Variants in AKAP6 observed in about 807,000 individuals in gnomAD.
AKAP6 encodes A-kinase anchor protein 6.
A neutral mutation model predicts 188.5 loss-of-function variants in AKAP6; 58 were observed. The observed-to-expected ratio is 0.31, with a 90% confidence interval of 0.25 to 0.38. AKAP6 has a LOEUF of 0.38. AKAP6 is among the 10% of genes least tolerant of loss of function. The pLI, the probability that AKAP6 is intolerant of heterozygous loss-of-function variation, is 1.00. For missense variants in AKAP6, 2,710 were observed against 2,740.0 expected, an observed-to-expected ratio of 0.99 and a Z score of 0.24; for synonymous variants, 989 against 998.6, an observed-to-expected ratio of 0.99 and a Z score of 0.18.
intron 9 of AKAP6, among the ~76,000 whole-genome samples, chr14:32,710,954 A>T (rs951756974): frequency 6.6e-6 from 1 of 152,062 alleles, no homozygotes; most frequent in South Asian, 2.1e-4. Flanking sequence ...GCTTTTACGC[A>T]ATGGTAGAGT....
intron 12 of AKAP6, among the ~76,000 whole-genome samples, chr14:32,777,747 G>A (rs79469069): frequency 0.02 from 3,025 of 152,202 alleles, 96 homozygotes; most frequent in African/African-American, 0.069. Flanking sequence ...ATAATAAAAG[G>A]AAGGTGGAAG....
intron 1 of AKAP6, chr14:32,401,929 T>A (rs1358920293): frequency 1.3e-5 from 2 of 150,920 alleles, no homozygotes. Context: ...TGAACTAGCT[T>A]AGCACCTCCA....
rs575384672 is a variant in AKAP6 at position 32,371,405 on chromosome 14, C to G, written c.-35+41997C>G. ...ACTAGCCTGGGCAACATAGTGAGAC[C>G]TCCATCTCTACAAAACAAAAACAAA... On this transcript the variant is annotated intron_variant, in intron 1 of 13. Coordinates refer to ENST00000280979, the MANE Select transcript of AKAP6 (RefSeq NM_004274.5). 3.9e-5 allele frequency among the ~76,000 whole-genome samples: 6 copies of G among 152,186 alleles called. No homozygotes were observed. The East Asian group carries it at 1.2e-3, about 29-fold the overall frequency.
intron 2 of AKAP6, among the ~76,000 whole-genome samples, chr14:32,478,794 A>G (rs574221885): frequency 4.5e-4 from 68 of 152,284 alleles, no homozygotes; most frequent in Admixed American, 3.0e-3. Context: ...AGATGGAGGA[A>G]GAGAAAATGG....
At chr14:32,801,680 G>A (rs1157984558) in intron 12 of AKAP6, among the ~76,000 whole-genome samples, 1 of 152,094 alleles carries the variant, frequency 6.6e-6, no homozygotes, top group East Asian at 1.9e-4. Flanking sequence ...ATTTTTTGTA[G>A]GGCAGTTCTG....
At position 32,710,751 on chromosome 14, in the gene AKAP6, T is replaced by C. The variant is rs1891021428; in HGVS notation, c.3000+14641T>C. On this transcript the variant is annotated intron_variant, in intron 9 of 13. Transcript: ENST00000280979. Reference sequence around the variant, plus strand: ...AATAACACCTACCTTGAAAGATTGTTGTTAGGATTCTATGAAGTAATGTAT... The same window carrying C: ...AATAACACCTACCTTGAAAGATTGTCGTTAGGATTCTATGAAGTAATGTAT... 2.0e-5 allele frequency among the ~76,000 whole-genome samples: 3 copies of C among 152,188 alleles called. No individual in the cohort carries two copies. The South Asian group carries it at 6.2e-4, about 32-fold the overall frequency.
At chr14:32,778,874 G>T (rs185063842) in intron 12 of AKAP6, among the ~76,000 whole-genome samples, 1 of 150,508 alleles carries the variant, frequency 6.6e-6, no homozygotes, top group African/African-American at 2.4e-5. Context: ...ATAACAAAAA[G>T]CTATAATGAG....
chr14:32,362,958 A>G (rs954631242), intron 1 of AKAP6, among the ~76,000 whole-genome samples: 1 of 152,138 alleles, frequency 6.6e-6, no homozygotes, highest in Non-Finnish European at 1.5e-5. Context: ...GGTATATGTC[A>G]AGACTTTGAT....
At chr14:32,428,342 A>G (rs375233792) in intron 1 of AKAP6, among the ~76,000 whole-genome samples, 1 of 152,098 alleles carries the variant, frequency 6.6e-6, no homozygotes, top group African/African-American at 2.4e-5. Context: ...GAGCTTATAC[A>G]TTAGCTTCCA....
chr14:32,703,325 G>A (rs185711888), intron 9 of AKAP6, among the ~76,000 whole-genome samples: 72 of 152,208 alleles, frequency 4.7e-4, no homozygotes, highest in Admixed American at 2.0e-3. Context: ...GCTGGAGCAC[G>A]TAAAACGCTT....
At chr14:32,469,144 T>C (rs1419865928) in intron 2 of AKAP6, among the ~76,000 whole-genome samples, 1 of 152,196 alleles carries the variant, frequency 6.6e-6, no homozygotes, top group East Asian at 1.9e-4. Context: ...GTCCTGCCAC[T>C]AGACTTTGTG....
At chr14:32,471,083 G>C (rs887750356) in intron 2 of AKAP6, among the ~76,000 whole-genome samples, 5 of 152,246 alleles carry the variant, frequency 3.3e-5, no homozygotes, top group African/African-American at 1.2e-4. Context: ...TGATAAACTA[G>C]GTTCTTTCAT....
At chr14:32,656,272 A>G (rs1370725133) in intron 7 of AKAP6, among the ~76,000 whole-genome samples, 1 of 152,116 alleles carries the variant, frequency 6.6e-6, no homozygotes, top group East Asian at 1.9e-4. Context: ...GTTAATTATC[A>G]AAGGTGACTC....
At chr14:32,762,315 G>A (rs2032566408) in intron 11 of AKAP6, among the ~76,000 whole-genome samples, 1 of 152,042 alleles carries the variant, frequency 6.6e-6, no homozygotes, top group Non-Finnish European at 1.5e-5. Context: ...TTTCTTTAGA[G>A]TAACTTAATC....
intron 1 of AKAP6, among the ~76,000 whole-genome samples, chr14:32,330,302 A>G (rs1886491704): frequency 1.3e-5 from 2 of 152,020 alleles, no homozygotes; most frequent in African/African-American, 4.8e-5. Flanking sequence ...CATAACCTCA[A>G]CTCAATTCCA....
At chr14:32,372,070 G>T (rs1186482692) in intron 1 of AKAP6, among the ~76,000 whole-genome samples, 1 of 151,630 alleles carries the variant, frequency 6.6e-6, no homozygotes, top group Non-Finnish European at 1.5e-5. Flanking sequence ...TGGGGATATA[G>T]AATGCTCCTA....
intron 2 of AKAP6, among the ~76,000 whole-genome samples, chr14:32,463,489 C>T (rs1217611653): frequency 6.6e-6 from 1 of 152,140 alleles, no homozygotes; most frequent in South Asian, 2.1e-4. Context: ...ACAACCTGCT[C>T]CTGAATGTTT....
Position 32,599,489 on chromosome 14 carries a change from T to C in AKAP6, c.2549T>C (p.Ile850Thr), listed in dbSNP as rs1231181162. Reference sequence around the variant, plus strand: ...GAAGGACACCAACTTCTTGAGCTTATTGCATCTCACAAAGCAGGTAAATCC... The same window carrying C: ...GAAGGACACCAACTTCTTGAGCTTACTGCATCTCACAAAGCAGGTAAATCC... ...EEEGHQLLEL[I>T]ASHKAGLKDM... The change falls in exon 6 of 14, where the codon ATT becomes ACT. Residue 850 changes from isoleucine to threonine, a missense_variant. Transcript: ENST00000280979. The C allele has an allele frequency of 1.2e-6, 2 of 1,613,294 alleles. No homozygotes were observed. Among genetic ancestry groups the C allele is most frequent in the Non-Finnish European group, 8.5e-7 (1 of 1,179,474 alleles).
At chr14:32,553,393 C>T (rs766526510) in intron 4 of AKAP6, among the ~76,000 whole-genome samples, 8 of 151,994 alleles carry the variant, frequency 5.3e-5, no homozygotes, top group Admixed American at 3.3e-4. Flanking sequence ...AGACTGGTCT[C>T]GAACTTCTGA....
Sources: gnomAD v4.1 joint callset for allele counts (sites outside exome capture counted in the v4.1 genomes callset) on GRCh38, gnomAD v4.1.1 for gene constraint, MANE v1.5 for transcripts, NCBI Gene and HGNC (gene_info 2026-07-23, HGNC 2026-07-21) for gene names.